Variants in MAGI1 observed in about 807,000 individuals in gnomAD.
The protein encoded by MAGI1 is membrane associated guanylate kinase, WW and PDZ domain containing 1.
In MAGI1, 58 loss-of-function variants were observed where a neutral mutation model predicts 139.9. The ratio of observed to expected loss-of-function variants is 0.41; its 90% confidence interval spans 0.34 to 0.52. The LOEUF (loss-of-function observed/expected upper bound fraction) is 0.52. Ranked by LOEUF, MAGI1 falls within the 20% of genes least tolerant of loss-of-function variation. MAGI1 has a pLI of 0.12. For synonymous variants in MAGI1, 812 were observed against 737.9 expected, an observed-to-expected ratio of 1.10 and a Z score of -1.63; for missense variants, 1,874 against 1,901.6, an observed-to-expected ratio of 0.99 and a Z score of 0.27.
At chr3:65,639,308 T>G (rs929989221) in intron 1 of MAGI1, among the ~76,000 whole-genome samples, 3 of 152,196 alleles carry the variant, frequency 2.0e-5, no homozygotes, top group Non-Finnish European at 4.4e-5. Context: ...AGTGGAAATG[T>G]TCTATGTTGA....
At chr3:65,910,132 G>A (rs1033466356) in intron 1 of MAGI1, among the ~76,000 whole-genome samples, 1 of 152,304 alleles carries the variant, frequency 6.6e-6, no homozygotes, top group African/African-American at 2.4e-5. Context: ...CCATGACCTG[G>A]GGGTTGGGGA....
At chr3:65,895,989 G>A (rs1211379588) in intron 1 of MAGI1, among the ~76,000 whole-genome samples, 1 of 152,116 alleles carries the variant, frequency 6.6e-6, no homozygotes, top group Non-Finnish European at 1.5e-5. Context: ...GCTTGGAGAG[G>A]AATACAGGCT....
rs139444293 is a variant in MAGI1, at chr3:65,690,544, T to G, written c.314-68456A>C. Among the ~76,000 whole-genome samples the G allele has an allele frequency of 6.7e-3, 1,025 of 152,222 alleles. 7 individuals are homozygous for G. The highest frequency in any genetic ancestry group is 0.023 in the African/African-American group (958 of 41,512). On this transcript the variant is annotated intron_variant, in intron 1 of 22. Coordinates refer to ENST00000402939, the MANE Select transcript of MAGI1 (RefSeq NM_001033057.2). ...CAGGCTGGAGTGCAGTGTCACAATC[T>G]CGATTCACTACAACCTCCACCTCCT...
intron 1 of MAGI1, among the ~76,000 whole-genome samples, chr3:65,742,216 T>C (rs1475284621): frequency 6.6e-6 from 1 of 152,192 alleles, no homozygotes; most frequent in Admixed American, 6.5e-5. Flanking sequence ...ACAGCAGGCC[T>C]TACTTTGGAG....
At chr3:65,958,912 C>T (rs983801621) in intron 1 of MAGI1, among the ~76,000 whole-genome samples, 1 of 151,820 alleles carries the variant, frequency 6.6e-6, no homozygotes, top group Middle Eastern at 3.4e-3. Context: ...GTTTGAACCC[C>T]GAAGGCAGAG....
chr3:65,656,351 G>A (rs76970992), intron 1 of MAGI1, among the ~76,000 whole-genome samples: 2,609 of 152,176 alleles, frequency 0.017, 70 homozygotes, highest in African/African-American at 0.058. Context: ...TTGGCCTCCC[G>A]AAGGGCTTAA....
At position 65,356,949 on chromosome 3, in the gene MAGI1, C is replaced by T. The variant is rs1940234296; in HGVS notation, c.3818G>A (p.Ser1273Asn). ...GGTGTGGTGTTCATTGGGTTGTCTG[C>T]TATACTCTCTGCTGCCTTTCGGATC... ...ARDPKGSREY[S>N]RQPNEHHTWN... is the part of the protein sequence containing the mutation. Residue 1273 changes from serine to asparagine, a missense_variant, in exon 23 of 23, where the codon AGC becomes AAC. Ser to Asn is a conservative substitution (Grantham distance 46, BLOSUM62 1). Coordinates refer to ENST00000402939, the MANE Select transcript of MAGI1 (RefSeq NM_001033057.2). The T allele has an allele frequency of 5.6e-6, 9 of 1,614,188 alleles. No homozygotes were observed. Among genetic ancestry groups the T allele is most frequent in the Non-Finnish European group, 7.6e-6 (9 of 1,180,024 alleles).
intron 2 of MAGI1, among the ~76,000 whole-genome samples, chr3:65,510,451 G>T (rs2077528195): frequency 6.8e-6 from 1 of 147,788 alleles, no homozygotes. Context: ...ATACAGAGAA[G>T]TGCTTAAAGG....
At chr3:65,493,722 T>C (rs2107671133) in intron 2 of MAGI1, 91 bp from the exon 3 acceptor site, 2 of 1,454,528 alleles carry the variant, frequency 1.4e-6, no homozygotes. Context: ...ACCTGTTCAG[T>C]AAGAGGGCGT....
At chr3:65,361,055 C>A in intron 22 of MAGI1, 144 bp downstream of exon 22, 2 of 1,540,110 alleles carry the variant, frequency 1.3e-6, no homozygotes, top group Non-Finnish European at 1.8e-6. Context: ...TCAGAACAAG[C>A]GAGGCAAATA....
intron 1 of MAGI1, among the ~76,000 whole-genome samples, chr3:65,997,096 C>G (rs1290149458): frequency 1.3e-5 from 2 of 152,146 alleles, no homozygotes; most frequent in Non-Finnish European, 2.9e-5. Context: ...GCCTCCAGCA[C>G]TTTACATTCC....
intron 4 of MAGI1, among the ~76,000 whole-genome samples, chr3:65,471,929 G>C (rs1950581838): frequency 6.6e-6 from 1 of 152,132 alleles, no homozygotes; most frequent in African/African-American, 2.4e-5. Flanking sequence ...AGAGAATTAA[G>C]TCCACACAGA....
chr3:65,822,678 G>T (rs2042011805), intron 1 of MAGI1, among the ~76,000 whole-genome samples: 1 of 152,216 alleles, frequency 6.6e-6, no homozygotes, highest in Admixed American at 6.5e-5. Flanking sequence ...GAGGCCTCAG[G>T]AAGTTTACAA....
intron 1 of MAGI1, among the ~76,000 whole-genome samples, chr3:66,030,516 G>A (rs1266194695): frequency 6.6e-6 from 1 of 152,170 alleles, no homozygotes; most frequent in African/African-American, 2.4e-5. Context: ...GTGGTGAAGC[G>A]ATCTACATAC....
chr3:65,872,874 T>G (rs2059985885), intron 1 of MAGI1: 1 of 152,098 alleles, frequency 6.6e-6, no homozygotes, highest in African/African-American at 2.4e-5. Flanking sequence ...TATATGGTAA[T>G]AGAAGAACCG....
At chr3:65,841,630 G>A (rs2108342419) in intron 1 of MAGI1, among the ~76,000 whole-genome samples, 1 of 152,070 alleles carries the variant, frequency 6.6e-6, no homozygotes, top group South Asian at 2.1e-4. Context: ...GTTTCACCAT[G>A]TTCGCTAGGC....
chr3:65,765,067 A>G (rs2372193), intron 1 of MAGI1, among the ~76,000 whole-genome samples: 52,436 of 152,050 alleles, frequency 0.34, 9,828 homozygotes, highest in East Asian at 0.49. Context: ...TGTGTCCCCA[A>G]GGTAAGGAAT....
At chr3:65,964,606 G>A (rs542062803) in intron 1 of MAGI1, among the ~76,000 whole-genome samples, 1 of 152,282 alleles carries the variant, frequency 6.6e-6, no homozygotes, top group South Asian at 2.1e-4. Flanking sequence ...GTTATCACCG[G>A]TGAGTATGTG....
intron 1 of MAGI1, among the ~76,000 whole-genome samples, chr3:65,628,957 A>G (rs1262328002): frequency 6.6e-6 from 1 of 152,172 alleles, no homozygotes; most frequent in East Asian, 1.9e-4. Context: ...CTTGATAAAA[A>G]GATATTCTTA....
Sources: gnomAD v4.1 joint callset for allele counts (sites outside exome capture counted in the v4.1 genomes callset) on GRCh38, gnomAD v4.1.1 for gene constraint, MANE v1.5 for transcripts, NCBI Gene and HGNC (gene_info 2026-07-23, HGNC 2026-07-21) for gene names.